Variants in BAIAP2L2 observed in about 807,000 individuals in gnomAD.
The protein encoded by BAIAP2L2 is BAR/IMD domain-containing adapter protein 2-like 2.
In BAIAP2L2, 65 loss-of-function variants were observed where a neutral mutation model predicts 60.4. The observed-to-expected ratio is 1.08, with a 90% CI of 0.88 to 1.32. The LOEUF (loss-of-function observed/expected upper bound fraction) is 1.32, where lower values mean the gene tolerates loss of function less well. BAIAP2L2 is among the 40% of genes most tolerant of loss of function. The probability of loss-of-function intolerance (pLI) is 0.00; values close to 1 mark genes in which losing one functional copy is unlikely to be tolerated. For missense variants in BAIAP2L2, 836 were observed against 741.2 expected (o/e 1.13, Z -1.48); for synonymous variants, 344 against 301.7 (o/e 1.14, Z -1.45).
chr22:38,084,991 C>T lies in BAIAP2L2; in HGVS notation c.*309G>A, dbSNP rs985892922. 1 of 343,054 alleles carries T rather than the reference C, an allele frequency of 2.9e-6. No homozygotes were observed. Among genetic ancestry groups the T allele is most frequent in the Admixed American group, 4.3e-5 (1 of 23,102 alleles). 21.3% of individuals were successfully genotyped at this position (343,054 alleles called of 1,614,324 possible). A position where few individuals can be genotyped will look rare whatever the true frequency, so the allele number is the denominator to read the frequency against. On this transcript the variant is annotated 3_prime_UTR_variant, in exon 14 of 14. Transcript: ENST00000381669. ...CGGAGCAGGTACAAGGGGCTCCTCCCCACGGGGGCAGAAAAGGGGGAAAGA... is the reference window on the plus strand; with the variant it reads ...CGGAGCAGGTACAAGGGGCTCCTCCTCACGGGGGCAGAAAAGGGGGAAAGA...
chr22:38,088,818 C>T lies in BAIAP2L2; in HGVS notation c.1048G>A (p.Asp350Asn). Residue 350 changes from aspartate to asparagine, a missense_variant, in exon 10 of 14, where the codon GAC becomes AAC. By Grantham distance (23) the Asp-to-Asn change is conservative (BLOSUM62 1). Transcript: ENST00000381669. Reference sequence around the variant, plus strand: ...TCGGGCACCAACACCTCCACCACGTCCCCAGCGGAGAAGCGCAGCAGCGTG... The same window carrying T: ...TCGGGCACCAACACCTCCACCACGTTCCCAGCGGAGAAGCGCAGCAGCGTG... ...NHTLLRFSAG[D>N]VVEVLVPEAQ... 6.2e-7 allele frequency: 1 copy of T among 1,600,942 alleles called. No individual in the cohort carries two copies. Among genetic ancestry groups the T allele is most frequent in the Non-Finnish European group, 8.5e-7 (1 of 1,179,642 alleles).
chr22:38,085,632 T>A (rs969706557), intron 13 of BAIAP2L2, 54 bp downstream of exon 13: 1 of 1,575,908 alleles, frequency 6.3e-7, no homozygotes, highest in African/African-American at 1.3e-5. Flanking sequence ...TACAAGTGTG[T>A]GCCGCCGCAC....
chr22:38,109,296 G>T, intron 1 of BAIAP2L2, 88 bp from the exon 2 acceptor site: 3 of 1,066,700 alleles, frequency 2.8e-6, no homozygotes, highest in Non-Finnish European at 4.2e-6. Context: ...CAGGCGTCAG[G>T]GACAGGGCAC....
intron 4 of BAIAP2L2, among the ~76,000 whole-genome samples, chr22:38,105,558 G>A (rs1370343853): frequency 6.6e-6 from 1 of 151,960 alleles, no homozygotes; most frequent in Non-Finnish European, 1.5e-5. Flanking sequence ...GGCCAGGTTA[G>A]TCTCGAACTC....
intron 12 of BAIAP2L2, 33 bp from the exon 13 acceptor site, chr22:38,085,765 G>T: frequency 6.4e-7 from 1 of 1,558,900 alleles, no homozygotes; most frequent in Non-Finnish European, 8.7e-7. Flanking sequence ...CTGGTTTGGT[G>T]GGGAGAGGGG....
In BAIAP2L2 at chr22:38,089,159, C is replaced by G; in HGVS notation, c.838G>C (p.Asp280His). The change falls in exon 9 of 14, where the codon GAC becomes CAC. Residue 280 changes from aspartate to histidine, a missense_variant. By Grantham distance (81) the Asp-to-His change is moderately conservative. Transcript: ENST00000381669. The stretch of plus-strand genomic sequence containing the variant: ...TCTAGCTGGGACGCGGGCCTCGCGT[C>G]GGGCTCGGTGCCGTAGGAGCCGGAG... ...HGSGSYGTEP[D>H]ARPASQLEPD... The G allele has an allele frequency of 1.5e-6, 2 of 1,336,720 alleles. No homozygotes were observed. The highest frequency in any genetic ancestry group is 3.1e-5 in the African/African-American group (2 of 65,186). 82.8% of individuals were successfully genotyped at this position (1,336,720 alleles called of 1,614,324 possible).
Position 38,089,540 on chromosome 22 carries a change from C to T in BAIAP2L2, c.747G>A (p.Thr249=). ...LGPPYPSGRL[T]PTCLDMPPRP... ...GCCTCACCATGTCCAGGCAGGTGGGCGTCAGGCGGCCCGAGGGGTAGGGCG... is the reference window on the plus strand; with the variant it reads ...GCCTCACCATGTCCAGGCAGGTGGGTGTCAGGCGGCCCGAGGGGTAGGGCG... Residue 249 remains threonine, a synonymous_variant, in exon 8 of 14, where the codon ACG becomes ACA. Coordinates refer to ENST00000381669, the MANE Select transcript of BAIAP2L2 (RefSeq NM_025045.6). 3 of 1,220,580 alleles carry T rather than the reference C, an allele frequency of 2.5e-6. No individual in the cohort carries two copies. Among genetic ancestry groups the T allele is most frequent in the Non-Finnish European group, 3.1e-6 (3 of 981,200 alleles). 75.6% of individuals were successfully genotyped at this position (1,220,580 alleles called of 1,614,324 possible).
chr22:38,102,062 G>T (rs1417462468), intron 4 of BAIAP2L2, among the ~76,000 whole-genome samples: 1 of 152,176 alleles, frequency 6.6e-6, no homozygotes, highest in African/African-American at 2.4e-5. Flanking sequence ...GAGCACAGGT[G>T]CACCCCGACA....
chr22:38,107,876 G>A lies in BAIAP2L2; in HGVS notation c.252C>T (p.His84=), dbSNP rs1296872150. 1 of 1,613,440 alleles carries A rather than the reference G, an allele frequency of 6.2e-7. No homozygotes were observed. Among genetic ancestry groups the A allele is most frequent in the Non-Finnish European group, 8.5e-7 (1 of 1,179,960 alleles). The change falls in exon 4 of 14, where the codon CAC becomes CAT. Residue 84 remains histidine, a synonymous_variant. Transcript: ENST00000381669. ...CCACCACCTCCAGGTCAGAGTTCAAGTGCCGCTGGGTGTCAGACATCTGCA... is the reference window on the plus strand; with the variant it reads ...CCACCACCTCCAGGTCAGAGTTCAAATGCCGCTGGGTGTCAGACATCTGCA... ...ILVQMSDTQR[H]LNSDLEVVVQ...
intron 8 of BAIAP2L2, 129 bp from the exon 9 acceptor site, chr22:38,089,360 CG>C: frequency 3.6e-6 from 2 of 555,124 alleles, no homozygotes; most frequent in Non-Finnish European, 5.3e-6. Flanking sequence ...CGGGCCACCA[CG>C]GGGGCGCGGA....
At chr22:38,087,950 G>C (rs533090189) in intron 10 of BAIAP2L2, among the ~76,000 whole-genome samples, 2 of 140,588 alleles carry the variant, frequency 1.4e-5, no homozygotes, top group African/African-American at 5.4e-5. Flanking sequence ...CTACCCAGAC[G>C]CACATCCCCT....
chr22:38,087,841 G>A (rs528793984), intron 10 of BAIAP2L2, among the ~76,000 whole-genome samples: 41 of 147,490 alleles, frequency 2.8e-4, no homozygotes, highest in African/African-American at 1.0e-3. Flanking sequence ...ATCAGTGTCT[G>A]TCCACCACAT....
At chr22:38,102,657 C>T (rs933617116) in intron 4 of BAIAP2L2, among the ~76,000 whole-genome samples, 1 of 152,052 alleles carries the variant, frequency 6.6e-6, no homozygotes, top group Admixed American at 6.5e-5. Context: ...CTTTGGGAGG[C>T]CCAGATGGGA....
intron 13 of BAIAP2L2, 25 bp downstream of exon 13, chr22:38,085,661 T>C: frequency 1.2e-6 from 2 of 1,610,928 alleles, no homozygotes; most frequent in South Asian, 2.2e-5. Context: ...CTCCTCACTG[T>C]TTGGGCCCCC....
intron 1 of BAIAP2L2, among the ~76,000 whole-genome samples, chr22:38,109,452 C>T (rs1303370165): frequency 1.3e-5 from 2 of 152,152 alleles, no homozygotes; most frequent in African/African-American, 2.4e-5. Context: ...AGCCAGCTCC[C>T]GCTTACGTCT....
chr22:38,092,341 A>G (rs553797234), intron 7 of BAIAP2L2, among the ~76,000 whole-genome samples: 1 of 152,304 alleles, frequency 6.6e-6, no homozygotes, highest in African/African-American at 2.4e-5. Flanking sequence ...CAGTGGCGCA[A>G]TCTCGGCTCA....
intron 5 of BAIAP2L2, 32 bp from the exon 6 acceptor site, chr22:38,098,211 C>A: frequency 3.1e-6 from 5 of 1,601,976 alleles, no homozygotes; most frequent in South Asian, 2.2e-5. Context: ...GAGGGAGAAT[C>A]CCCCCACATC....
intron 6 of BAIAP2L2, 38 bp downstream of exon 6, chr22:38,098,023 CCG>C: frequency 1.3e-4 from 113 of 860,070 alleles, no homozygotes; most frequent in Non-Finnish European, 2.0e-4. Flanking sequence ...GTCTGCCCAC[CCG>C]CCCTTCCTGG....
At chr22:38,101,147 G>C (rs1176510239) in intron 4 of BAIAP2L2, among the ~76,000 whole-genome samples, 1 of 151,958 alleles carries the variant, frequency 6.6e-6, no homozygotes, top group Admixed American at 6.6e-5. Flanking sequence ...AAAAAACTCA[G>C]GTCTGGGATG....
Sources: gnomAD v4.1 joint callset for allele counts (sites outside exome capture counted in the v4.1 genomes callset) on GRCh38, gnomAD v4.1.1 for gene constraint, MANE v1.5 for transcripts, NCBI Gene and HGNC (gene_info 2026-07-23, HGNC 2026-07-21) for gene names.